SGPP2: variants seen among roughly 807,000 people sequenced by gnomAD.
SGPP2 encodes the protein sphingosine 1-phosphate phosphohydrolase 2.
A neutral mutation model predicts 33.9 loss-of-function variants in SGPP2; 30 were observed. The observed-to-expected ratio is 0.89, with a 90% CI of 0.66 to 1.20. The LOEUF (loss-of-function observed/expected upper bound fraction) is 1.20. Among genes scored for constraint, SGPP2 ranks in the 50% most tolerant of loss-of-function variants. SGPP2 has a pLI of 0.00. For missense variants in SGPP2, 458 were observed against 532.1 expected (o/e 0.86, Z 1.37); for synonymous variants, 233 against 225.0 (o/e 1.04, Z -0.32).
chr2:222,483,803 T>G (rs898295035), intron 2 of SGPP2, among the ~76,000 whole-genome samples: 1 of 152,222 alleles, frequency 6.6e-6, no homozygotes, highest in Non-Finnish European at 1.5e-5. Context: ...TTAAATGTGA[T>G]TATCTCTTAA....
intron 4 of SGPP2, among the ~76,000 whole-genome samples, chr2:222,540,854 G>A (rs556169068): frequency 8.1e-6 from 1 of 123,862 alleles, no homozygotes; most frequent in East Asian, 2.2e-4. Flanking sequence ...GAGTCTTGCT[G>A]TGTCGCCCAG....
At chr2:222,502,573 G>T (rs1240730061) in intron 2 of SGPP2, among the ~76,000 whole-genome samples, 1 of 152,224 alleles carries the variant, frequency 6.6e-6, no homozygotes, top group Non-Finnish European at 1.5e-5. Context: ...TTGGAGTTTG[G>T]ATTACAGATT....
chr2:222,447,814 G>T (rs1385262531), intron 1 of SGPP2, among the ~76,000 whole-genome samples: 1 of 152,118 alleles, frequency 6.6e-6, no homozygotes, highest in African/African-American at 2.4e-5. Flanking sequence ...AGTAAAACAG[G>T]CAAAGCCTCT....
At chr2:222,467,988 A>C (rs1054217307) in intron 1 of SGPP2, among the ~76,000 whole-genome samples, 2 of 142,382 alleles carry the variant, frequency 1.4e-5, no homozygotes, top group Non-Finnish European at 3.0e-5. Flanking sequence ...AAAAAAAAAA[A>C]CAGAGGAAGT....
chr2:222,485,858 G>A (rs1045843279), intron 2 of SGPP2, among the ~76,000 whole-genome samples: 8 of 152,218 alleles, frequency 5.3e-5, no homozygotes, highest in Admixed American at 1.3e-4. Context: ...CCTTGGTTAA[G>A]TGCTCTATCT....
rs1213356939 is a variant in SGPP2, at chr2:222,424,548, C to T, written c.-55C>T. 21 of 1,134,864 alleles carry T rather than the reference C, an allele frequency of 1.9e-5. No individual in the cohort carries two copies. The highest frequency in any genetic ancestry group is 4.3e-5 in the South Asian group (1 of 23,304). The allele number at this position is 1,134,864 out of a possible 1,614,324, so 70.3% of individuals were successfully genotyped here. On this transcript the variant is annotated 5_prime_UTR_variant, in exon 1 of 5. Coordinates refer to ENST00000321276, the MANE Select transcript of SGPP2 (RefSeq NM_152386.4). ...GGCGAGGCGGGAGTGGCGGTGCCAG[C>T]GGAGGGCACCGGCCCGGCGTGGCAG...
At chr2:222,442,219 CTGT>C (rs1173209476) in intron 1 of SGPP2, among the ~76,000 whole-genome samples, 2 of 152,122 alleles carry the variant, frequency 1.3e-5, no homozygotes, top group East Asian at 3.8e-4. Flanking sequence ...CATGTATCTT[CTGT>C]TGTTTCTTTA....
chr2:222,509,949 C>T (rs1023818591), intron 2 of SGPP2, among the ~76,000 whole-genome samples: 1 of 152,192 alleles, frequency 6.6e-6, no homozygotes, highest in Non-Finnish European at 1.5e-5. Flanking sequence ...TATGGATTTG[C>T]CTCTTCTGAA....
In SGPP2 at chr2:222,512,429, T is replaced by C. The variant is rs113873006; in HGVS notation, c.379-9338T>C. 9.5e-3 allele frequency among the ~76,000 whole-genome samples: 1,437 copies of C among 152,060 alleles called. 14 individuals are homozygous for C. The highest frequency in any genetic ancestry group is 0.033 in the African/African-American group (1,370 of 41,498). On this transcript the variant is annotated intron_variant, in intron 2 of 4. Transcript: ENST00000321276. ...CACACAACCTCCCCCACTACCAAAATTCCCCGCCACAGTGATACATTTGGT... is the reference window on the plus strand; with the variant it reads ...CACACAACCTCCCCCACTACCAAAACTCCCCGCCACAGTGATACATTTGGT...
chr2:222,509,184 T>C (rs1698488942), intron 2 of SGPP2, among the ~76,000 whole-genome samples: 1 of 152,086 alleles, frequency 6.6e-6, no homozygotes. Context: ...GTGCAGTCAA[T>C]CTCTTTTTTG....
intron 2 of SGPP2, among the ~76,000 whole-genome samples, chr2:222,500,007 A>G (rs1194163888): frequency 6.6e-6 from 1 of 152,220 alleles, no homozygotes; most frequent in Non-Finnish European, 1.5e-5. Flanking sequence ...TGTTACCAGC[A>G]GGAAGAATTA....
intron 1 of SGPP2, among the ~76,000 whole-genome samples, chr2:222,437,815 G>C (rs1340143569): frequency 6.6e-6 from 1 of 152,154 alleles, no homozygotes; most frequent in Non-Finnish European, 1.5e-5. Context: ...CTCTCAAAAG[G>C]AGAGTAGTTA....
chr2:222,436,995 G>T (rs1302614604), intron 1 of SGPP2, among the ~76,000 whole-genome samples: 1 of 152,142 alleles, frequency 6.6e-6, no homozygotes, highest in African/African-American at 2.4e-5. Flanking sequence ...TTTGTTCATG[G>T]GCCCATTGGG....
At chr2:222,535,126 C>A (rs1698893800) in intron 4 of SGPP2, among the ~76,000 whole-genome samples, 1 of 148,018 alleles carries the variant, frequency 6.8e-6, no homozygotes, top group South Asian at 2.1e-4. Context: ...CCTGTAATCC[C>A]AGCACTTTGG....
intron 1 of SGPP2, among the ~76,000 whole-genome samples, chr2:222,457,045 G>GA (rs1202223651): frequency 4.6e-5 from 7 of 150,674 alleles, no homozygotes; most frequent in Non-Finnish European, 7.4e-5. Flanking sequence ...AAAGAAAAAA[G>GA]AAAAAAAAAT....
At position 222,497,279 on chromosome 2, in the gene SGPP2, G is replaced by A. The variant is rs551749195; in HGVS notation, c.378+22553G>A. Among the ~76,000 whole-genome samples the A allele has an allele frequency of 2.3e-5, 3 of 132,840 alleles. No individual in the cohort carries two copies. The East Asian group carries it at 6.9e-4, about 31-fold the overall frequency. The allele number at this position is 132,840 out of a possible 152,430, so 87.1% of individuals were successfully genotyped here. On this transcript the variant is annotated intron_variant, in intron 2 of 4. Transcript: ENST00000321276. ...TTTTTTTTTTTTTTTTTTAGACGGA[G>A]TCTTGCTCTGTCGCCCAGGCTGGAG...
intron 1 of SGPP2, among the ~76,000 whole-genome samples, chr2:222,436,128 CCTTT>C (rs529645312): frequency 3.5e-4 from 54 of 152,326 alleles, no homozygotes; most frequent in African/African-American, 1.3e-3. Context: ...CACTGTAACT[CCTTT>C]CTTAGCCTGT....
At chr2:222,526,354 C>A (rs1698758739) in intron 4 of SGPP2, among the ~76,000 whole-genome samples, 1 of 152,156 alleles carries the variant, frequency 6.6e-6, no homozygotes, top group Admixed American at 6.5e-5. Flanking sequence ...AAGAAAGGAG[C>A]AATGAAGGGC....
chr2:222,525,131 G>T (rs1698739830), intron 4 of SGPP2, 98 bp downstream of exon 4: 1 of 797,222 alleles, frequency 1.3e-6, no homozygotes, highest in Non-Finnish European at 2.0e-6. Flanking sequence ...AAAATTATTT[G>T]CATATGTAAT....
Sources: allele counts gnomAD v4.1 joint callset (sites outside exome capture counted in the v4.1 genomes callset), GRCh38; gene constraint gnomAD v4.1.1; transcripts MANE v1.5; gene names NCBI Gene and HGNC (gene_info 2026-07-23, HGNC 2026-07-21).